The following GET1 variants were observed in gnomAD, a reference collection of about 807,000 sequenced individuals.
GET1 encodes the protein congenital heart disease 5 protein.
In GET1, 20 loss-of-function variants were observed where a neutral mutation model predicts 22.6. The observed-to-expected ratio is 0.89, with a 90% CI of 0.62 to 1.29. The LOEUF (loss-of-function observed/expected upper bound fraction) is 1.29. Ranked by LOEUF, GET1 falls within the 50% of genes most tolerant of loss-of-function variation. The pLI, the probability that GET1 is intolerant of heterozygous loss-of-function variation, is 0.00. For synonymous variants in GET1, 92 were observed against 83.8 expected (o/e 1.10, Z -0.53); for missense variants, 209 against 219.9 (o/e 0.95, Z 0.31).
chr21:39,399,679 G>A (rs2038791367), downstream of GET1, among the ~76,000 whole-genome samples: 1 of 152,078 alleles, frequency 6.6e-6, no homozygotes, highest in Non-Finnish European at 1.5e-5. Flanking sequence ...GACCTCAGGT[G>A]ATCCACCTGC....
intron 1 of GET1, chr21:39,427,653 ACT>A (rs1010722960): frequency 2.7e-5 from 4 of 146,710 alleles, no homozygotes; most frequent in Non-Finnish European, 6.0e-5. Flanking sequence ...CCAGAGCAAG[ACT>A]CTGTCTCAAA....
intron 1 of GET1, among the ~76,000 whole-genome samples, chr21:39,415,533 T>C (rs2040981079): frequency 6.6e-6 from 1 of 152,194 alleles, no homozygotes; most frequent in African/African-American, 2.4e-5. Flanking sequence ...TATTTCAGTA[T>C]CTGTAGCAAA....
intron 1 of GET1, among the ~76,000 whole-genome samples, chr21:39,384,361 A>G (rs984089006): frequency 2.0e-5 from 3 of 151,768 alleles, no homozygotes; most frequent in African/African-American, 7.3e-5. Context: ...GGTTCAAGCG[A>G]TTCTCCTGCC....
rs569332752 is a variant in GET1, at chr21:39,381,228, G to T, written c.102+742G>T. ...GGCAAATTGGACAGGGCGTGGTGGG[G>T]TGTGGCCATGGAAGGCGGGGGTACC... On this transcript the variant is annotated intron_variant, in intron 1 of 4. Transcript: ENST00000649170. Among the ~76,000 whole-genome samples, 5 of 152,238 alleles carry T rather than the reference G, an allele frequency of 3.3e-5. No homozygotes were observed. In the South Asian group the frequency reaches 1.0e-3, roughly 32 times the overall value.
downstream of GET1, among the ~76,000 whole-genome samples, chr21:39,401,442 T>A (rs2038836573): frequency 6.6e-6 from 1 of 152,188 alleles, no homozygotes; most frequent in South Asian, 2.1e-4. Flanking sequence ...AAAAATACAA[T>A]ACAAATCTTT....
At chr21:39,417,786 G>A (rs1023700497) in intron 1 of GET1, among the ~76,000 whole-genome samples, 2 of 151,850 alleles carry the variant, frequency 1.3e-5, no homozygotes, top group African/African-American at 4.8e-5. Context: ...TTTTTTTTGA[G>A]ATGGAGTCTC....
chr21:39,410,434 A>G, downstream of GET1: 1 of 837,148 alleles, frequency 1.2e-6, no homozygotes, highest in Non-Finnish European at 1.9e-6. Context: ...GATTTTAAAC[A>G]TAAAATAACT....
At position 39,406,225 on chromosome 21, in the gene GET1, T is replaced by C. The variant is rs778743313; in HGVS notation, c.*241T>C. ...CATTTCCTCTCTGTTACTGAGATGC[T>C]TGCCTGTACTATGACTGTACCTCAT... On this transcript the variant is annotated 3_prime_UTR_variant, in exon 5 of 5. Coordinates refer to the GET1 transcript ENST00000415847. The C allele has an allele frequency of 5.0e-6, 8 of 1,614,142 alleles. No individual in the cohort carries two copies. In the African/African-American group the frequency reaches 8.0e-5, roughly 16 times the overall value.
chr21:39,419,946 AT>A (rs2042004207), intron 1 of GET1, among the ~76,000 whole-genome samples: 1 of 152,178 alleles, frequency 6.6e-6, no homozygotes, highest in Non-Finnish European at 1.5e-5. Flanking sequence ...TTTCAAACAC[AT>A]TTTTAAGTAA....
At chr21:39,386,589 G>A (rs1367763365) in intron 1 of GET1, 1 of 152,246 alleles carries the variant, frequency 6.6e-6, no homozygotes, top group African/African-American at 2.4e-5. Context: ...CCTGTCCTCT[G>A]TGTTCAGGGA....
Position 39,428,393 on chromosome 21 carries a change from C to T in GET1, c.*185C>T, listed in dbSNP as rs777622619. On this transcript the variant is annotated 3_prime_UTR_variant, in exon 2 of 2. Transcript: ENST00000478273. Reference sequence around the variant, plus strand: ...ACTGTTCCGTGAAAAATCGCCTGTGCCTGGGCTTCTCTTGCATGCTGCAGA... The same window carrying T: ...ACTGTTCCGTGAAAAATCGCCTGTGTCTGGGCTTCTCTTGCATGCTGCAGA... The T allele has an allele frequency of 9.9e-6, 16 of 1,613,166 alleles. No homozygotes were observed. The South Asian group carries it at 1.4e-4, about 14-fold the overall frequency.
chr21:39,401,025 C>G (rs1030888778), downstream of GET1, among the ~76,000 whole-genome samples: 1 of 151,968 alleles, frequency 6.6e-6, no homozygotes, highest in African/African-American at 2.4e-5. Flanking sequence ...ATCCTCCAGC[C>G]TTGGCCTCCT....
At chr21:39,408,801 A>G (rs2039559979), downstream of GET1, 5 of 152,360 alleles carry the variant, frequency 3.3e-5, no homozygotes, top group South Asian at 1.0e-3. Context: ...TCTATCTCCC[A>G]GGATGATTCA....
rs202237220 is a variant in GET1, at chr21:39,396,959, C to T, written c.*20C>T. 485 of 1,611,956 alleles carry T rather than the reference C, an allele frequency of 3.0e-4. 3 individuals carry two copies. Among genetic ancestry groups the T allele is most frequent in the Middle Eastern group, 2.6e-3 (16 of 6,052 alleles). On this transcript the variant is annotated 3_prime_UTR_variant, in exon 5 of 5. Coordinates refer to ENST00000649170, the MANE Select transcript of GET1 (RefSeq NM_004627.6). Reference sequence around the variant, plus strand: ...AGCTGAACAGGAGGATGGATACAGCCGCGAGGCTAAAAAACGGATTTCCTC... The same window carrying T: ...AGCTGAACAGGAGGATGGATACAGCTGCGAGGCTAAAAAACGGATTTCCTC...
chr21:39,391,692 A>G, intron 2 of GET1, 77 bp from the exon 3 acceptor site: 1 of 1,374,530 alleles, frequency 7.3e-7, no homozygotes, highest in Admixed American at 1.7e-5. Context: ...ATAAGGGAAA[A>G]TAACATTTCT....
chr21:39,380,572 C>T, intron 1 of GET1, 86 bp downstream of exon 1: 2 of 1,538,610 alleles, frequency 1.3e-6, no homozygotes, highest in Non-Finnish European at 1.8e-6. Flanking sequence ...GGGGTCTCAA[C>T]TGGGCGACTG....
chr21:39,406,713 C>T (rs2039123945), downstream of GET1: 4 of 866,472 alleles, frequency 4.6e-6, no homozygotes, highest in African/African-American at 1.7e-5. Context: ...CTCACAAGCA[C>T]ACTGAAATGA....
intron 1 of GET1, chr21:39,420,982 T>C (rs935281325): frequency 2.0e-5 from 11 of 563,986 alleles, no homozygotes; most frequent in African/African-American, 1.1e-4. Flanking sequence ...AGGGGACATA[T>C]ATTGGAATGA....
At chr21:39,388,682 G>A (rs2038089147) in intron 1 of GET1, among the ~76,000 whole-genome samples, 1 of 152,218 alleles carries the variant, frequency 6.6e-6, no homozygotes, top group African/African-American at 2.4e-5. Flanking sequence ...AGGCGCCACT[G>A]AGGGATCTGG....
Sources: allele counts gnomAD v4.1 joint callset (sites outside exome capture counted in the v4.1 genomes callset), GRCh38; gene constraint gnomAD v4.1.1; transcripts MANE v1.5; gene names NCBI Gene and HGNC (gene_info 2026-07-23, HGNC 2026-07-21).